SEMA3A: variants seen among roughly 807,000 people sequenced by gnomAD.
The protein encoded by SEMA3A is semaphorin-3A.
A neutral mutation model predicts 97.9 loss-of-function variants in SEMA3A; 29 were observed. That is an observed-to-expected ratio of 0.30 (90% CI 0.22 to 0.40). The LOEUF (loss-of-function observed/expected upper bound fraction) is 0.40, where lower values mean the gene tolerates loss of function less well. Among genes scored for constraint, SEMA3A ranks in the 10% least tolerant of loss-of-function variants. SEMA3A has a pLI of 1.00. For synonymous variants in SEMA3A, 321 were observed against 323.7 expected (o/e 0.99, Z 0.09); for missense variants, 763 against 951.3 (o/e 0.80, Z 2.60).
intron 1 of SEMA3A, among the ~76,000 whole-genome samples, chr7:84,173,773 T>C (rs918027253): frequency 6.6e-5 from 10 of 152,004 alleles, no homozygotes; most frequent in African/African-American, 2.2e-4. Context: ...CCATGGCAGA[T>C]TGGGAACTGG....
At chr7:83,981,595 A>C (rs895216469) in intron 13 of SEMA3A, 117 bp from the exon 14 acceptor site, 1 of 922,988 alleles carries the variant, frequency 1.1e-6, no homozygotes, top group African/African-American at 1.7e-5. Context: ...GGTTTAAAAA[A>C]ATCATCCCTT....
chr7:84,322,141 A>G (rs1801664262), intron 2 of SEMA3A, among the ~76,000 whole-genome samples: 1 of 151,350 alleles, frequency 6.6e-6, no homozygotes, highest in Non-Finnish European at 1.5e-5. Flanking sequence ...AGCATGGGGG[A>G]AACTCCCCCC....
At chr7:84,194,844 A>C (rs2116279431), upstream of SEMA3A, 1 of 293,282 alleles carries the variant, frequency 3.4e-6, no homozygotes, top group East Asian at 6.0e-5. Flanking sequence ...AATGAGGCAC[A>C]ACTGTTGTGT....
chr7:84,072,261 G>A (rs946812112), intron 4 of SEMA3A, among the ~76,000 whole-genome samples: 1 of 151,696 alleles, frequency 6.6e-6, no homozygotes, highest in Non-Finnish European at 1.5e-5. Context: ...TTTATATTAA[G>A]CTTATCAATA....
At chr7:83,990,266 GT>G (rs1265790520) in intron 12 of SEMA3A, among the ~76,000 whole-genome samples, 1 of 152,116 alleles carries the variant, frequency 6.6e-6, no homozygotes, top group Non-Finnish European at 1.5e-5. Context: ...CATTTTGTAG[GT>G]TGCCTGTTCA....
intron 12 of SEMA3A, among the ~76,000 whole-genome samples, chr7:83,997,557 AAAT>A (rs1304063964): frequency 9.9e-5 from 15 of 152,210 alleles, no homozygotes; most frequent in African/African-American, 2.7e-4. Context: ...AGTGCCAAAG[AAAT>A]AATAATGACA....
rs1193844808 is a variant in SEMA3A, at chr7:83,955,916, TATAA to T, written c.*5451_*5454del. Reference sequence around the variant, plus strand: ...TATAAAAACTTTTGCTTAGGTCCTATATAAATAAACATTGTATATACAAGTATAG... The same window carrying T: ...TATAAAAACTTTTGCTTAGGTCCTATATAAACATTGTATATACAAGTATAG... On this transcript the variant is annotated 3_prime_UTR_variant, in exon 17 of 17. Transcript: ENST00000265362. The T allele has an allele frequency of 6.6e-6, 1 of 152,148 alleles. No individual in the cohort carries two copies. The highest frequency in any genetic ancestry group is 2.4e-5 in the African/African-American group (1 of 41,434). The allele number at this position is 152,148 out of a possible 1,614,324, so 9.4% of individuals were successfully genotyped here. A position where few individuals can be genotyped will look rare whatever the true frequency, so the allele number is the denominator to read the frequency against.
intron 2 of SEMA3A, among the ~76,000 whole-genome samples, chr7:84,307,577 A>G (rs1385833738): frequency 6.6e-6 from 1 of 152,186 alleles, no homozygotes; most frequent in Non-Finnish European, 1.5e-5. Context: ...TGGCTCTACT[A>G]AAGAATAACT....
intron 9 of SEMA3A, among the ~76,000 whole-genome samples, chr7:84,009,607 A>G (rs1790796052): frequency 6.6e-6 from 1 of 152,026 alleles, no homozygotes; most frequent in Non-Finnish European, 1.5e-5. Flanking sequence ...ATCCTTCTTT[A>G]TATGCATGTA....
intron 3 of SEMA3A, among the ~76,000 whole-genome samples, chr7:84,218,292 A>G (rs1424405265): frequency 6.6e-6 from 1 of 152,096 alleles, no homozygotes; most frequent in African/African-American, 2.4e-5. Flanking sequence ...AAAATTTAAG[A>G]TGTTTTATTA....
intron 1 of SEMA3A, among the ~76,000 whole-genome samples, chr7:84,445,865 A>G (rs2706907): frequency 0.18 from 26,660 of 151,788 alleles, 2,480 homozygotes; most frequent in Middle Eastern, 0.23. Flanking sequence ...AGAGGAAAAC[A>G]AAATAGAAAA....
At chr7:83,999,745 A>C (rs1223053956) in intron 12 of SEMA3A, among the ~76,000 whole-genome samples, 1 of 152,148 alleles carries the variant, frequency 6.6e-6, no homozygotes, top group East Asian at 1.9e-4. Flanking sequence ...TGACAAATAC[A>C]GAAGTAAGAG....
chr7:84,148,426 T>C (rs1443532544), intron 1 of SEMA3A, among the ~76,000 whole-genome samples: 1 of 152,130 alleles, frequency 6.6e-6, no homozygotes, highest in African/African-American at 2.4e-5. Context: ...AACTAACGAA[T>C]TCAAAGAATT....
chr7:84,136,991 A>AGGAAGGAAGGAC (rs1160693319), intron 1 of SEMA3A, among the ~76,000 whole-genome samples: 1 of 151,126 alleles, frequency 6.6e-6, no homozygotes, highest in African/African-American at 2.5e-5. Context: ...GAAGGAAGGA[A>AGGAAGGAAGGAC]GGAAGGAAGG....
chr7:84,036,541 A>C (rs1209191924), intron 6 of SEMA3A, among the ~76,000 whole-genome samples: 3 of 152,116 alleles, frequency 2.0e-5, no homozygotes, highest in Non-Finnish European at 4.4e-5. Flanking sequence ...GTGATTTAGA[A>C]ACCTAAATTT....
At chr7:84,195,024 AAGAGAG>A (rs60880561), upstream of SEMA3A, 9,079 of 140,632 alleles carry the variant, frequency 0.065, 343 homozygotes, top group African/African-American at 0.1. Context: ...GAGAGAGAGA[AAGAGAG>A]AGAGAGAGAG....
At chr7:84,399,868 C>G (rs1704257085) in intron 1 of SEMA3A, among the ~76,000 whole-genome samples, 1 of 152,176 alleles carries the variant, frequency 6.6e-6, no homozygotes, top group Non-Finnish European at 1.5e-5. Flanking sequence ...GTAATGACAG[C>G]TGCAGCAGCC....
intron 4 of SEMA3A, among the ~76,000 whole-genome samples, chr7:84,065,504 A>T (rs1407334136): frequency 1.3e-5 from 2 of 151,024 alleles, no homozygotes; most frequent in East Asian, 3.9e-4. Context: ...AAGGATCAAC[A>T]AAATTGATAG....
chr7:84,110,895 A>G (rs1268699275), intron 3 of SEMA3A, among the ~76,000 whole-genome samples: 1 of 152,174 alleles, frequency 6.6e-6, no homozygotes, highest in African/African-American at 2.4e-5. Context: ...TAGACAATCA[A>G]TAATCACAGG....
Sources: allele counts gnomAD v4.1 joint callset (sites outside exome capture counted in the v4.1 genomes callset), GRCh38; gene constraint gnomAD v4.1.1; transcripts MANE v1.5; gene names NCBI Gene and HGNC (gene_info 2026-07-23, HGNC 2026-07-21).